Variants in TMEM132A observed in about 807,000 individuals in gnomAD.
TMEM132A encodes transmembrane protein 132A.
In TMEM132A, 48 loss-of-function variants were observed where a neutral mutation model predicts 69.9. The observed-to-expected ratio is 0.69, with a 90% confidence interval of 0.55 to 0.87. The LOEUF is 0.87. TMEM132A is among the 40% of genes least tolerant of loss of function. The pLI is 0.00. For missense variants in TMEM132A, 1,287 were observed against 1,407.2 expected, an observed-to-expected ratio of 0.91 and a Z score of 1.37; for synonymous variants, 577 against 613.7, an observed-to-expected ratio of 0.94 and a Z score of 0.88.
Position 60,924,544 on chromosome 11 carries a change from G to T in TMEM132A, c.-90G>T. 1 of 1,097,102 alleles carries T rather than the reference G, an allele frequency of 9.1e-7. No homozygotes were observed. Among genetic ancestry groups the T allele is most frequent in the Non-Finnish European group, 1.3e-6 (1 of 797,068 alleles). The allele number at this position is 1,097,102 out of a possible 1,614,324, so 68.0% of individuals were successfully genotyped here. The stretch of plus-strand genomic sequence containing the variant: ...CGGCGGCCGGGACCCAGCGGGCCAG[G>T]TGGGGACGGCGCGGAGCGGGTGCGG... On this transcript the variant is annotated 5_prime_UTR_variant, in exon 1 of 11. Coordinates refer to ENST00000453848, the MANE Select transcript of TMEM132A (RefSeq NM_178031.3).
chr11:60,930,570 G>T lies in TMEM132A; in HGVS notation c.927G>T (p.Trp309Cys), dbSNP rs1173136468. ...CCCGCCCAGCCCAGCCCACACTCTG[G>T]ACTGCCAAGCTGGACCGCTTCAAGG... ...TAARPAQPTL[W>C]TAKLDRFKGS... The change falls in exon 5 of 11, where the codon TGG becomes TGT. Residue 309 changes from tryptophan to cysteine, a missense_variant. Trp to Cys is a radical substitution (Grantham distance 215). Transcript: ENST00000453848. 3 of 1,613,380 alleles carry T rather than the reference G, an allele frequency of 1.9e-6. No homozygotes were observed. In the South Asian group the frequency reaches 3.3e-5, roughly 18 times the overall value.
At chr11:60,928,991 G>T (rs756801440) in intron 4 of TMEM132A, 31 bp downstream of exon 4, 11 of 1,607,590 alleles carry the variant, frequency 6.8e-6, no homozygotes, top group Non-Finnish European at 9.3e-6. Context: ...ATGGGTGAGG[G>T]TGGGAACCTC....
intron 1 of TMEM132A, chr11:60,925,747 G>C (rs628632): frequency 1.3e-4 from 20 of 152,276 alleles, no homozygotes; most frequent in African/African-American, 4.8e-4. Context: ...CTAATAGAGA[G>C]AGGAGGAAAA....
At position 60,935,560 on chromosome 11, in the gene TMEM132A, G is replaced by T; in HGVS notation, c.2028+117G>T. On this transcript the variant is annotated intron_variant, in intron 10 of 10. Coordinates refer to ENST00000453848, the MANE Select transcript of TMEM132A (RefSeq NM_178031.3). This position sits in a 1 kb window ranked among gnomAD's most constrained non-coding sequence, Gnocchi z 5.0. ...GACCCCTTAGGGTTTTCAGAGTGAG[G>T]ACTGACTCTGTGAGGTAGTGAGCTC... 4 of 1,102,396 alleles carry T rather than the reference G, an allele frequency of 3.6e-6. No individual in the cohort carries two copies. Among genetic ancestry groups the T allele is most frequent in the Non-Finnish European group, 3.9e-6 (3 of 774,148 alleles). The allele number at this position is 1,102,396 out of a possible 1,614,324, so 68.3% of individuals were successfully genotyped here.
intron 1 of TMEM132A, 158 bp from the exon 2 acceptor site, chr11:60,927,046 C>T: frequency 1.4e-6 from 1 of 706,398 alleles, no homozygotes; most frequent in Non-Finnish European, 2.6e-6. Flanking sequence ...CTTTAAGCCT[C>T]AGTGACCTCA....
chr11:60,929,857 C>A (rs1358569629), intron 4 of TMEM132A, among the ~76,000 whole-genome samples: 2 of 151,846 alleles, frequency 1.3e-5, no homozygotes, highest in Admixed American at 6.6e-5. Context: ...CTTCACTCTG[C>A]AGATCCAAAC....
intron 2 of TMEM132A, 34 bp downstream of exon 2, chr11:60,927,452 C>T (rs369141015): frequency 6.3e-7 from 1 of 1,575,654 alleles, no homozygotes; most frequent in Admixed American, 1.7e-5. Context: ...CTCAGGCTAA[C>T]AGGACTCAGG....
At chr11:60,932,275 C>A in intron 7 of TMEM132A, 148 bp downstream of exon 7, 1 of 985,482 alleles carries the variant, frequency 1.0e-6, no homozygotes, top group Non-Finnish European at 1.4e-6. Context: ...ACAGCTTCAA[C>A]TTCTTTTGTT....
Position 60,934,700 on chromosome 11 carries a change from G to A in TMEM132A, c.1772G>A (p.Arg591His), listed in dbSNP as rs754199967. The A allele has an allele frequency of 6.2e-6, 10 of 1,606,932 alleles. No homozygotes were observed. Among genetic ancestry groups the A allele is most frequent in the Non-Finnish European group, 7.6e-6 (9 of 1,179,484 alleles). ...VAPHARVLDS[R>H]VASLEGGRVV... ...CCACACGCCCGCGTGCTGGACTCGC[G>A]TGTAGCCTCTCTGGAGGGTGGCCGT... The change falls in exon 9 of 11, where the codon CGT becomes CAT. Residue 591 changes from arginine to histidine, a missense_variant. Arg to His is a conservative substitution (Grantham distance 29, BLOSUM62 0). Coordinates refer to ENST00000453848, the MANE Select transcript of TMEM132A (RefSeq NM_178031.3).
At chr11:60,934,038 C>T in intron 8 of TMEM132A, 1 of 479,324 alleles carries the variant, frequency 2.1e-6, no homozygotes, top group Non-Finnish European at 3.7e-6. Context: ...CACGCTCCTC[C>T]CCCGAGAATG....
At chr11:60,930,371 T>G in intron 4 of TMEM132A, 139 bp from the exon 5 acceptor site, 1 of 1,035,494 alleles carries the variant, frequency 9.7e-7, no homozygotes, top group Non-Finnish European at 1.4e-6. Flanking sequence ...GGGGTCCTTC[T>G]GGGTTGGAGG....
chr11:60,935,848 TCTGTGTGC>T lies in TMEM132A; in HGVS notation c.2029-14_2029-7del. On this transcript the variant is annotated splice_polypyrimidine_tract_variant and splice_region_variant and intron_variant, in intron 10 of 10. Coordinates refer to ENST00000453848, the MANE Select transcript of TMEM132A (RefSeq NM_178031.3). This position sits in a 1 kb window ranked among gnomAD's most constrained non-coding sequence, Gnocchi z 5.0. ...GTGCCCTCGCATGTCTCTGCCTGTG[TCTGTGTGC>T]CCCACAGGAGGTGGCCCTCTCCCTA... The T allele has an allele frequency of 6.2e-7, 1 of 1,610,430 alleles. No individual in the cohort carries two copies. The highest frequency in any genetic ancestry group is 8.5e-7 in the Non-Finnish European group (1 of 1,179,274).
chr11:60,932,657 C>T lies in TMEM132A; in HGVS notation c.1356+530C>T, dbSNP rs1174432941. The T allele has an allele frequency of 4.6e-5, 7 of 152,006 alleles. 1 individual carries two copies. The highest frequency in any genetic ancestry group is 3.9e-4 in the East Asian group (2 of 5,176). 9.4% of individuals were successfully genotyped at this position (152,006 alleles called of 1,614,324 possible). On this transcript the variant is annotated intron_variant, in intron 7 of 10. Coordinates refer to ENST00000453848, the MANE Select transcript of TMEM132A (RefSeq NM_178031.3). ...TAAAAATTATTATTATTATTATTAC[C>T]GGTGATTGTGAAGTGAAATAAAAGG...
intron 1 of TMEM132A, chr11:60,925,729 TG>T (rs1565118237): frequency 2.0e-5 from 3 of 152,254 alleles, no homozygotes; most frequent in African/African-American, 7.2e-5. Context: ...AGGGACGCCA[TG>T]GGAGTCCTAA....
chr11:60,926,763 C>A, intron 1 of TMEM132A: 1 of 246,320 alleles, frequency 4.1e-6, no homozygotes, highest in Non-Finnish European at 8.0e-6. Flanking sequence ...GGATGCCCAG[C>A]AGAGCCTGGC....
chr11:60,930,393 G>A, intron 4 of TMEM132A, 117 bp from the exon 5 acceptor site: 1 of 1,230,706 alleles, frequency 8.1e-7, no homozygotes, highest in South Asian at 1.6e-5. Flanking sequence ...TGGTGAAGAG[G>A]AGATTCAGAC....
chr11:60,933,515 GC>G, intron 7 of TMEM132A, 26 bp from the exon 8 acceptor site: 1 of 1,588,224 alleles, frequency 6.3e-7, no homozygotes. Flanking sequence ...GGCTTAGCCC[GC>G]CCACCTGCCC....
In TMEM132A at chr11:60,924,631, A is replaced by C. The variant is rs1461753716; in HGVS notation, c.-3A>C. ...CGCCTCGTCCCCGCCTTCTGTGGGA[A>C]GGATGTGCGCGCGGATGGCCGGTCG... On this transcript the variant is annotated 5_prime_UTR_variant, in exon 1 of 11. Coordinates refer to ENST00000453848, the MANE Select transcript of TMEM132A (RefSeq NM_178031.3). The C allele has an allele frequency of 1.3e-6, 2 of 1,591,354 alleles. No individual in the cohort carries two copies. Among genetic ancestry groups the C allele is most frequent in the Non-Finnish European group, 1.7e-6 (2 of 1,174,980 alleles).
At chr11:60,930,981 T>C (rs1454387178) in intron 5 of TMEM132A, among the ~76,000 whole-genome samples, 1 of 152,176 alleles carries the variant, frequency 6.6e-6, no homozygotes, top group Non-Finnish European at 1.5e-5. Context: ...CAAATGATCC[T>C]TTCTCTGGGC....
Sources: allele counts gnomAD v4.1 joint callset (sites outside exome capture counted in the v4.1 genomes callset), GRCh38; gene constraint gnomAD v4.1.1; non-coding constraint Gnocchi (gnomAD v3.1); transcripts MANE v1.5; gene names NCBI Gene and HGNC (gene_info 2026-07-23, HGNC 2026-07-21).